Variants in DTNA observed in about 807,000 individuals in gnomAD.
The protein encoded by DTNA is dystrophin-related protein 3.
DTNA carries 43 observed loss-of-function variants against 100.7 expected under a neutral mutation model. That is an observed-to-expected ratio of 0.43 (90% CI 0.33 to 0.55). The LOEUF is 0.55. DTNA is among the 20% of genes least tolerant of loss of function. DTNA has a pLI of 0.04. For missense variants in DTNA, 798 were observed against 953.9 expected, an observed-to-expected ratio of 0.84 and a Z score of 2.15; for synonymous variants, 349 against 347.9, an observed-to-expected ratio of 1.00 and a Z score of -0.04.
At chr18:34,745,756 A>C (rs1375835307) in intron 1 of DTNA, among the ~76,000 whole-genome samples, 1 of 152,152 alleles carries the variant, frequency 6.6e-6, no homozygotes, top group Admixed American at 6.5e-5. Context: ...CTCCCCATAA[A>C]ATAAAACTAC....
At chr18:34,519,664 T>G (rs971614255) in intron 1 of DTNA, among the ~76,000 whole-genome samples, 14 of 152,178 alleles carry the variant, frequency 9.2e-5, no homozygotes, top group Admixed American at 6.5e-4. Flanking sequence ...GCTACTTTTT[T>G]TAAAGGAAGG....
intron 1 of DTNA, among the ~76,000 whole-genome samples, chr18:34,616,194 A>G (rs1407016075): frequency 6.6e-6 from 1 of 152,164 alleles, no homozygotes; most frequent in East Asian, 1.9e-4. Flanking sequence ...ATTAATTTAC[A>G]TTTCCACTAG....
rs533430301 is a variant in DTNA, at chr18:34,497,750, C to T, written c.-2+4236C>T. On this transcript the variant is annotated intron_variant, in intron 1 of 19. Transcript: ENST00000283365. Reference sequence around the variant, plus strand: ...AATACTTTTTGCCCCATATTTTATACGTGAAAAATATACAAAACATGAAGA... The same window carrying T: ...AATACTTTTTGCCCCATATTTTATATGTGAAAAATATACAAAACATGAAGA... 3.3e-5 allele frequency among the ~76,000 whole-genome samples: 5 copies of T among 150,346 alleles called. No individual in the cohort carries two copies. The South Asian group carries it at 6.3e-4, about 19-fold the overall frequency.
rs1357191894 is a variant in DTNA, at chr18:34,542,697, A to T, written c.-2+49183A>T. Among the ~76,000 whole-genome samples the T allele has an allele frequency of 3.3e-5, 5 of 152,176 alleles. No individual in the cohort carries two copies. The East Asian group carries it at 9.7e-4, about 30-fold the overall frequency. ...AAAAAAAAAAAGTGAAAAATTAAGA[A>T]TTAAGAGTGGAGATGTCACTTGGTG... On this transcript the variant is annotated intron_variant, in intron 1 of 19. Coordinates refer to the DTNA transcript ENST00000283365.
At position 34,878,161 on chromosome 18, in the gene DTNA, G is replaced by A. The variant is rs1008778300; in HGVS notation, c.1993+353G>A. ...CTAATTTTTTGTTGTTGTTTTCATA[G>A]AGACAGAGTCTTTGCTATGTTGCCT... On this transcript the variant is annotated intron_variant, in intron 19 of 22. Transcript: ENST00000444659. Among the ~76,000 whole-genome samples, 5 of 152,060 alleles carry A rather than the reference G, an allele frequency of 3.3e-5. 1 individual carries two copies. Among genetic ancestry groups the A allele is most frequent in the Non-Finnish European group, 1.5e-5 (1 of 68,014 alleles).
chr18:34,693,796 C>A (rs1048905241), intron 1 of DTNA, among the ~76,000 whole-genome samples: 6 of 148,684 alleles, frequency 4.0e-5, no homozygotes, highest in African/African-American at 1.5e-4. Context: ...AAAACCCTAG[C>A]CTAAAGGCAC....
At chr18:34,521,451 G>A (rs1249047945) in intron 1 of DTNA, among the ~76,000 whole-genome samples, 3 of 152,046 alleles carry the variant, frequency 2.0e-5, no homozygotes, top group Admixed American at 2.0e-4. Context: ...ATAAATCAGA[G>A]GTAATATAAT....
At chr18:34,509,882 G>A (rs902452730) in intron 1 of DTNA, among the ~76,000 whole-genome samples, 1 of 152,046 alleles carries the variant, frequency 6.6e-6, no homozygotes, top group Non-Finnish European at 1.5e-5. Flanking sequence ...GTTGTCCCAT[G>A]GTTATACAAT....
At chr18:34,774,850 T>C (rs1568479016) in intron 3 of DTNA, among the ~76,000 whole-genome samples, 1 of 152,204 alleles carries the variant, frequency 6.6e-6, no homozygotes, top group Non-Finnish European at 1.5e-5. Context: ...ATCAAGTTTC[T>C]CAAGTCATAA....
intron 1 of DTNA, among the ~76,000 whole-genome samples, chr18:34,518,743 G>A (rs988433447): frequency 1.4e-5 from 2 of 143,646 alleles, no homozygotes; most frequent in African/African-American, 2.6e-5. Context: ...GTGTGTGTGT[G>A]TGAAGCTACT....
intron 6 of DTNA, among the ~76,000 whole-genome samples, chr18:34,812,693 G>A (rs141955536): frequency 2.6e-5 from 4 of 152,010 alleles, no homozygotes; most frequent in African/African-American, 9.7e-5. Context: ...TCAACACCTG[G>A]GAATTACAGT....
At chr18:34,522,008 A>G (rs543351748) in intron 1 of DTNA, among the ~76,000 whole-genome samples, 148 of 152,302 alleles carry the variant, frequency 9.7e-4, no homozygotes, top group African/African-American at 3.5e-3. Context: ...TATTTGTTGA[A>G]TGAATGAATT....
chr18:34,644,222 G>A (rs1263361271), intron 1 of DTNA, among the ~76,000 whole-genome samples: 4 of 152,090 alleles, frequency 2.6e-5, no homozygotes, highest in Non-Finnish European at 5.9e-5. Flanking sequence ...TAGAGAGAGT[G>A]AAACTGCAGA....
chr18:34,499,617 C>T (rs1299530184), intron 1 of DTNA, among the ~76,000 whole-genome samples: 1 of 152,134 alleles, frequency 6.6e-6, no homozygotes, highest in Non-Finnish European at 1.5e-5. Flanking sequence ...TTCTCTGTAT[C>T]TTCGCTAGCA....
chr18:34,674,713 A>G (rs1216368648), intron 1 of DTNA, among the ~76,000 whole-genome samples: 1 of 152,222 alleles, frequency 6.6e-6, no homozygotes, highest in Non-Finnish European at 1.5e-5. Flanking sequence ...TCCACTATCA[A>G]TCATTTATTC....
At chr18:34,631,437 A>G (rs2058067923) in intron 1 of DTNA, among the ~76,000 whole-genome samples, 1 of 152,154 alleles carries the variant, frequency 6.6e-6, no homozygotes, top group Non-Finnish European at 1.5e-5. Flanking sequence ...TTTTAAATTG[A>G]GAAAACTGAG....
intron 1 of DTNA, among the ~76,000 whole-genome samples, chr18:34,626,438 T>C (rs990365197): frequency 2.0e-5 from 3 of 151,404 alleles, no homozygotes; most frequent in Admixed American, 2.0e-4. Flanking sequence ...CTTCAGAAAG[T>C]GTCCTGAAGT....
At chr18:34,771,322 A>AC (rs1272031000) in intron 3 of DTNA, among the ~76,000 whole-genome samples, 1 of 151,978 alleles carries the variant, frequency 6.6e-6, no homozygotes, top group African/African-American at 2.4e-5. Context: ...ACATGGTGAT[A>AC]CCCCATCTCT....
chr18:34,545,878 A>G (rs892061834), intron 1 of DTNA, among the ~76,000 whole-genome samples: 2 of 152,208 alleles, frequency 1.3e-5, no homozygotes, highest in Admixed American at 1.3e-4. Flanking sequence ...TTAATAATTC[A>G]TGGAGTCAGT....
Sources: gnomAD v4.1 joint callset for allele counts (sites outside exome capture counted in the v4.1 genomes callset) on GRCh38, gnomAD v4.1.1 for gene constraint, MANE v1.5 for transcripts, NCBI Gene and HGNC (gene_info 2026-07-23, HGNC 2026-07-21) for gene names.